SEPTIN2: variants seen among roughly 807,000 people sequenced by gnomAD.
SEPTIN2 encodes the protein septin 2.
A neutral mutation model predicts 46.5 loss-of-function variants in SEPTIN2; 34 were observed. The observed-to-expected ratio is 0.73, with a 90% CI of 0.56 to 0.97. The LOEUF (loss-of-function observed/expected upper bound fraction) is 0.97. Among genes scored for constraint, SEPTIN2 ranks in the 50% least tolerant of loss-of-function variants. The probability of loss-of-function intolerance (pLI) is 0.00; values close to 1 mark genes in which losing one functional copy is unlikely to be tolerated. For synonymous variants in SEPTIN2, 175 were observed against 153.4 expected (o/e 1.14, Z -1.04); for missense variants, 347 against 448.4 (o/e 0.77, Z 2.04).
chr2:241,319,740 C>G (rs1044165070), intron 1 of SEPTIN2, among the ~76,000 whole-genome samples: 1 of 152,068 alleles, frequency 6.6e-6, no homozygotes, highest in Non-Finnish European at 1.5e-5. Context: ...TACGGGTGCC[C>G]GCCACCACAC....
intron 9 of SEPTIN2, among the ~76,000 whole-genome samples, chr2:241,345,666 A>G (rs1365002001): frequency 1.3e-5 from 2 of 152,238 alleles, no homozygotes; most frequent in Non-Finnish European, 2.9e-5. Flanking sequence ...ATATTCTTGG[A>G]TCCAGAATAT....
chr2:241,335,464 C>A, intron 4 of SEPTIN2: 2 of 946,388 alleles, frequency 2.1e-6, no homozygotes, highest in Non-Finnish European at 3.3e-6. Flanking sequence ...GTAGTTTCTG[C>A]CTATATTAAA....
chr2:241,343,172 G>T, intron 8 of SEPTIN2, 79 bp downstream of exon 8: 1 of 819,084 alleles, frequency 1.2e-6, no homozygotes, highest in Admixed American at 2.1e-5. Flanking sequence ...AGATTGCCTG[G>T]GTATGTTCAG....
chr2:241,339,171 A>G (rs1575322946), intron 7 of SEPTIN2, among the ~76,000 whole-genome samples: 2 of 150,236 alleles, frequency 1.3e-5, no homozygotes, highest in African/African-American at 4.9e-5. Flanking sequence ...AGGCAGGCAC[A>G]TCACCAGAGG....
chr2:241,342,355 A>T (rs914342645), intron 7 of SEPTIN2, among the ~76,000 whole-genome samples: 19 of 147,954 alleles, frequency 1.3e-4, no homozygotes, highest in African/African-American at 4.3e-4. Context: ...TGTGGCAATT[A>T]CCCTTCTTGA....
chr2:241,333,022 ATC>A (rs1160857450), intron 3 of SEPTIN2, among the ~76,000 whole-genome samples: 9 of 152,204 alleles, frequency 5.9e-5, no homozygotes, highest in Non-Finnish European at 1.2e-4. Flanking sequence ...AATAATCTTT[ATC>A]TTGAGTGGAG....
chr2:241,345,060 C>T (rs2081820040), intron 9 of SEPTIN2, among the ~76,000 whole-genome samples: 1 of 151,942 alleles, frequency 6.6e-6, no homozygotes, highest in Non-Finnish European at 1.5e-5. Context: ...TTGCAGTGAG[C>T]CGGGATTGCG....
Position 241,352,486 on chromosome 2 carries a change from A to G in SEPTIN2, c.*549A>G, listed in dbSNP as rs2060863290. 6.5e-6 allele frequency: 1 copy of G among 152,680 alleles called. No homozygotes were observed. The highest frequency in any genetic ancestry group is 6.5e-5 in the Admixed American group (1 of 15,286). 9.5% of individuals were successfully genotyped at this position (152,680 alleles called of 1,614,324 possible). A position where few individuals can be genotyped will look rare whatever the true frequency, so the allele number is the denominator to read the frequency against. ...AACACCTAAAACCAGTTTTGCTGCT[A>G]TAATTCTATACTGTTGATTCGTCTG... On this transcript the variant is annotated 3_prime_UTR_variant, in exon 13 of 13. Transcript: ENST00000391971.
chr2:241,336,252 A>G (rs890889391), intron 5 of SEPTIN2, 154 bp downstream of exon 5: 32 of 842,312 alleles, frequency 3.8e-5, no homozygotes, highest in Middle Eastern at 3.7e-4. Context: ...GACTTTTTAA[A>G]TAAGGAATTT....
chr2:241,320,435 T>A (rs2076964303), intron 1 of SEPTIN2: 1 of 381,428 alleles, frequency 2.6e-6, no homozygotes, highest in Non-Finnish European at 5.3e-6. Flanking sequence ...TGTCATTATT[T>A]TAGCTACTTT....
chr2:241,315,702 T>C (rs1253869128), upstream of SEPTIN2: 1 of 152,404 alleles, frequency 6.6e-6, no homozygotes, highest in Non-Finnish European at 1.5e-5. Flanking sequence ...AGCCTCTATA[T>C]GGCCAACTGC....
intron 7 of SEPTIN2, among the ~76,000 whole-genome samples, chr2:241,339,949 G>A (rs754824142): frequency 6.6e-6 from 1 of 152,150 alleles, no homozygotes; most frequent in African/African-American, 2.4e-5. Flanking sequence ...CCAGAGTTCC[G>A]AATAATGTCT....
rs2081586985 is a variant in SEPTIN2 at position 241,343,737 on chromosome 2, T to C, written c.697-15T>C. On this transcript the variant is annotated splice_polypyrimidine_tract_variant and intron_variant, in intron 8 of 12. Coordinates refer to ENST00000391971, the MANE Select transcript of SEPTIN2 (RefSeq NM_004404.5). ...CCCTGTGTGGAGCCTGTCTACTCTG[T>C]GTGTCTCTTTCTAGGCTAGCATCCC... 1 of 1,613,888 alleles carries C rather than the reference T, an allele frequency of 6.2e-7. No homozygotes were observed. The highest frequency in any genetic ancestry group is 8.5e-7 in the Non-Finnish European group (1 of 1,179,928).
At chr2:241,337,306 A>G (rs1218827111) in intron 5 of SEPTIN2, 76 bp from the exon 6 acceptor site, 11 of 1,283,052 alleles carry the variant, frequency 8.6e-6, no homozygotes, top group Non-Finnish European at 1.1e-5. Flanking sequence ...GGGCGGAGGC[A>G]CTTGTTTTCC....
At chr2:241,322,481 C>T (rs1041928989) in intron 1 of SEPTIN2, among the ~76,000 whole-genome samples, 1 of 151,900 alleles carries the variant, frequency 6.6e-6, no homozygotes, top group Admixed American at 6.6e-5. Flanking sequence ...GTGGCGGGCG[C>T]CTGTAGTCCC....
At chr2:241,344,481 G>A (rs558396131) in intron 9 of SEPTIN2, among the ~76,000 whole-genome samples, 19 of 152,056 alleles carry the variant, frequency 1.2e-4, no homozygotes, top group East Asian at 5.8e-4. Context: ...GGCAGATCAC[G>A]AGGTCAGGAG....
At position 241,348,156 on chromosome 2, in the gene SEPTIN2, A is replaced by C; in HGVS notation, c.949A>C (p.Asn317His). The C allele has an allele frequency of 1.2e-6, 2 of 1,613,244 alleles. No individual in the cohort carries two copies. Among genetic ancestry groups the C allele is most frequent in the African/African-American group, 1.3e-5 (1 of 75,000 alleles). Residue 317 changes from asparagine (N) to histidine (H), a missense_variant, in exon 11 of 13, where the codon AAT (asparagine) becomes CAT (histidine). Physicochemically the swap from Asn to His is moderately conservative, Grantham distance 68. Transcript: ENST00000391971. ...GGRKVENEDMNKDQILLEKEA... is the reference protein window; with the variant it reads ...GGRKVENEDMHKDQILLEKEA... ...TAGGAAAGTGGAGAATGAGGACATG[A>C]ATAAAGACCAGATCTTGCTGGAAAA...
chr2:241,334,917 C>T (rs182501872), intron 3 of SEPTIN2, among the ~76,000 whole-genome samples: 8 of 152,278 alleles, frequency 5.3e-5, no homozygotes, highest in Admixed American at 4.6e-4. Flanking sequence ...CTTGGCCCTG[C>T]TCTGGATAGT....
rs2076754487 is a variant in SEPTIN2 at position 241,318,912 on chromosome 2, G to A, written c.-18+2930G>A. On this transcript the variant is annotated intron_variant, in intron 1 of 12. Transcript: ENST00000391971. ...GGGGTTTCACCATGTTGGCCAGGATGGTCTCAATCTTTTGACCTCGTGATA... is the reference window on the plus strand; with the variant it reads ...GGGGTTTCACCATGTTGGCCAGGATAGTCTCAATCTTTTGACCTCGTGATA... 2.6e-5 allele frequency among the ~76,000 whole-genome samples: 4 copies of A among 151,982 alleles called. No homozygotes were observed. In the South Asian group the frequency reaches 8.3e-4, roughly 32 times the overall value.
Sources: gnomAD v4.1 joint callset for allele counts (sites outside exome capture counted in the v4.1 genomes callset) on GRCh38, gnomAD v4.1.1 for gene constraint, MANE v1.5 for transcripts, NCBI Gene and HGNC (gene_info 2026-07-23, HGNC 2026-07-21) for gene names.